Variants in DSTN observed in about 807,000 individuals in gnomAD.
DSTN encodes the protein destrin, actin depolymerizing factor, also known as destrin.
DSTN carries 10 observed loss-of-function variants against 16.8 expected under a neutral mutation model. The ratio of observed to expected loss-of-function variants is 0.60; its 90% confidence interval spans 0.37 to 1.01. The LOEUF (loss-of-function observed/expected upper bound fraction) is 1.01, where lower values mean the gene tolerates loss of function less well. Ranked by LOEUF, DSTN falls within the 50% of genes least tolerant of loss-of-function variation. The probability of loss-of-function intolerance (pLI) is 0.01; values close to 1 mark genes in which losing one functional copy is unlikely to be tolerated. For synonymous variants in DSTN, 57 were observed against 58.9 expected, an observed-to-expected ratio of 0.97 and a Z score of 0.14; for missense variants, 141 against 196.7, an observed-to-expected ratio of 0.72 and a Z score of 1.69.
intron 1 of DSTN, among the ~76,000 whole-genome samples, chr20:17,584,753 G>A (rs1054779166): frequency 1.3e-5 from 2 of 151,632 alleles, no homozygotes; most frequent in Non-Finnish European, 2.9e-5. Context: ...AGATAAAATT[G>A]TGGAACTTCT....
At chr20:17,585,816 T>C (rs1179194992) in intron 1 of DSTN, among the ~76,000 whole-genome samples, 2 of 152,246 alleles carry the variant, frequency 1.3e-5, no homozygotes, top group Non-Finnish European at 2.9e-5. Context: ...ACCTTTGCCA[T>C]GTAAATGGAA....
intron 1 of DSTN, among the ~76,000 whole-genome samples, chr20:17,589,286 C>T (rs2035445283): frequency 6.6e-6 from 1 of 151,924 alleles, no homozygotes; most frequent in Non-Finnish European, 1.5e-5. Flanking sequence ...TCTCTGCTCA[C>T]TGCAACCTTC....
intron 1 of DSTN, among the ~76,000 whole-genome samples, chr20:17,582,045 C>G (rs1425502688): frequency 6.7e-6 from 1 of 149,684 alleles, no homozygotes; most frequent in Non-Finnish European, 1.5e-5. Context: ...CAATAATATA[C>G]AAGAAAAAGT....
In DSTN at chr20:17,607,039, A is replaced by G. The variant is rs2035650349; in HGVS notation, c.391A>G (p.Ile131Val). ...KDAIKKKFQG[I>V]KHECQANGPE... ...GAAGTGTTGTTTTTTCTCTCTAGGC[A>G]TAAAACATGAATGTCAAGCAAATGG... The change falls in exon 4 of 4, where the codon ATA becomes GTA. Residue 131 changes from isoleucine to valine, a missense_variant and splice_region_variant. Coordinates refer to ENST00000246069, the MANE Select transcript of DSTN (RefSeq NM_006870.4). 3 of 1,613,772 alleles carry G rather than the reference A, an allele frequency of 1.9e-6. No individual in the cohort carries two copies. Among genetic ancestry groups the G allele is most frequent in the East Asian group, 2.2e-5 (1 of 44,862 alleles).
rs1004029111 is a variant in DSTN, at chr20:17,570,143, G to C, written c.-66G>C. On this transcript the variant is annotated 5_prime_UTR_variant, in exon 1 of 4. Coordinates refer to ENST00000246069, the MANE Select transcript of DSTN (RefSeq NM_006870.4). ...TCTCTCGGTCCCGCAGCCGTGAGGA[G>C]GACGGTCTGCATACTCGCTGCCCGC... 2 of 1,513,978 alleles carry C rather than the reference G, an allele frequency of 1.3e-6. No individual in the cohort carries two copies. Among genetic ancestry groups the C allele is most frequent in the African/African-American group, 2.9e-5 (2 of 69,210 alleles). The allele number at this position is 1,513,978 out of a possible 1,614,324, so 93.8% of individuals were successfully genotyped here.
intron 1 of DSTN, among the ~76,000 whole-genome samples, chr20:17,585,314 T>A (rs1301816638): frequency 6.6e-6 from 1 of 152,070 alleles, no homozygotes; most frequent in East Asian, 1.9e-4. Context: ...AAATACACAT[T>A]GAAGGAGGAA....
At chr20:17,603,212 G>C (rs1373506451) in intron 2 of DSTN, among the ~76,000 whole-genome samples, 2 of 152,078 alleles carry the variant, frequency 1.3e-5, no homozygotes, top group African/African-American at 4.8e-5. Flanking sequence ...AGGTCCACAT[G>C]CCAGTGCTCA....
intron 1 of DSTN, among the ~76,000 whole-genome samples, chr20:17,580,515 G>A (rs1344785276): frequency 6.6e-6 from 1 of 152,192 alleles, no homozygotes; most frequent in Non-Finnish European, 1.5e-5. Context: ...GTGAGGCTGA[G>A]GTGGGTGGAT....
At chr20:17,583,881 C>T (rs750272547) in intron 1 of DSTN, among the ~76,000 whole-genome samples, 1 of 151,644 alleles carries the variant, frequency 6.6e-6, no homozygotes, top group Non-Finnish European at 1.5e-5. Flanking sequence ...GAACTACAGG[C>T]CCATACCACC....
At chr20:17,573,936 A>G (rs1398616941) in intron 1 of DSTN, among the ~76,000 whole-genome samples, 1 of 151,220 alleles carries the variant, frequency 6.6e-6, no homozygotes, top group Admixed American at 6.6e-5. Context: ...ACAGTGGCCT[A>G]TACCTGTCAT....
intron 1 of DSTN, among the ~76,000 whole-genome samples, chr20:17,579,400 C>T (rs1186352168): frequency 6.6e-6 from 1 of 151,926 alleles, no homozygotes; most frequent in Non-Finnish European, 1.5e-5. Context: ...CATGACAAAA[C>T]CCAGTCTCTA....
intron 1 of DSTN, among the ~76,000 whole-genome samples, chr20:17,594,320 C>T (rs545157535): frequency 3.8e-4 from 58 of 151,932 alleles, no homozygotes; most frequent in African/African-American, 1.3e-3. Flanking sequence ...GTCTCTGTCA[C>T]GCAGAGTCCA....
At chr20:17,583,735 C>CTTTTTTTTT (rs71192397) in intron 1 of DSTN, among the ~76,000 whole-genome samples, 2,515 of 72,468 alleles carry the variant, frequency 0.035, 591 homozygotes, top group Middle Eastern at 0.05. Flanking sequence ...TTTGGAGTTT[C>CTTTTTTTTT]TTTTTTTTTT....
At chr20:17,605,474 T>A (rs2035631636) in intron 3 of DSTN, among the ~76,000 whole-genome samples, 1 of 152,232 alleles carries the variant, frequency 6.6e-6, no homozygotes, top group African/African-American at 2.4e-5. Flanking sequence ...GATTTTGTTT[T>A]GTTTGTTTTA....
chr20:17,608,898 T>C lies in DSTN; in HGVS notation c.*1752T>C, dbSNP rs998819729. ...TACAATTATAATGTATTTTCTACTGTAATTAGATACACAAATACCATTGTG... is the reference window on the plus strand; with the variant it reads ...TACAATTATAATGTATTTTCTACTGCAATTAGATACACAAATACCATTGTG... On this transcript the variant is annotated 3_prime_UTR_variant, in exon 4 of 4. Coordinates refer to ENST00000246069, the MANE Select transcript of DSTN (RefSeq NM_006870.4). The C allele has an allele frequency of 3.3e-5, 5 of 152,146 alleles. No homozygotes were observed. The highest frequency in any genetic ancestry group is 1.2e-4 in the African/African-American group (5 of 41,438). The allele number at this position is 152,146 out of a possible 1,614,324, so 9.4% of individuals were successfully genotyped here.
chr20:17,588,853 CAA>C (rs960984530), intron 1 of DSTN, among the ~76,000 whole-genome samples: 7 of 152,194 alleles, frequency 4.6e-5, no homozygotes, highest in Admixed American at 4.6e-4. Flanking sequence ...AACAGTGGGA[CAA>C]AGGATTTAGT....
chr20:17,575,701 G>C lies in DSTN; in HGVS notation c.3+5490G>C, dbSNP rs147982771. Among the ~76,000 whole-genome samples the C allele has an allele frequency of 2.6e-5, 4 of 152,012 alleles. No individual in the cohort carries two copies. The South Asian group carries it at 8.3e-4, about 32-fold the overall frequency. On this transcript the variant is annotated intron_variant, in intron 1 of 3. Coordinates refer to ENST00000246069, the MANE Select transcript of DSTN (RefSeq NM_006870.4). ...TAAATATAAATTTATATATAAAGAC[G>C]GGGTTTATAAAGATGGGGTTTCACC...
At chr20:17,606,932 C>T in intron 3 of DSTN, 105 bp from the exon 4 acceptor site, 2 of 1,000,294 alleles carry the variant, frequency 2.0e-6, no homozygotes, top group East Asian at 2.5e-5. Context: ...GTATATACCC[C>T]AGTTTATCCA....
chr20:17,604,797 C>G (rs1278115421), intron 3 of DSTN, among the ~76,000 whole-genome samples, 166 bp downstream of exon 3: 2 of 152,170 alleles, frequency 1.3e-5, no homozygotes, highest in African/African-American at 2.4e-5. Flanking sequence ...TTCCATGTAT[C>G]TTCTGCTTTG....
Sources: allele counts gnomAD v4.1 joint callset (sites outside exome capture counted in the v4.1 genomes callset), GRCh38; gene constraint gnomAD v4.1.1; transcripts MANE v1.5; gene names NCBI Gene and HGNC (gene_info 2026-07-23, HGNC 2026-07-21).